Variants in ACTR3C observed in about 807,000 individuals in gnomAD.
ACTR3C encodes actin related protein 3C, also known as actin-related protein 3C.
Under a neutral mutation model 26.3 loss-of-function variants are expected in ACTR3C, and 18 were observed. The ratio of observed to expected loss-of-function variants is 0.68; its 90% confidence interval spans 0.47 to 1.01. The LOEUF (loss-of-function observed/expected upper bound fraction) is 1.01, where lower values mean the gene tolerates loss of function less well. Ranked by LOEUF, ACTR3C falls within the 50% of genes least tolerant of loss-of-function variation. The pLI is 0.00. For synonymous variants in ACTR3C, 55 were observed against 94.5 expected (o/e 0.58, Z 2.42); for missense variants, 184 against 250.7 (o/e 0.73, Z 1.80).
the ACTR3C span, among the ~76,000 whole-genome samples, chr7:150,154,334 G>A: frequency 2.6e-5 from 4 of 151,960 alleles, no homozygotes; most frequent in Non-Finnish European, 4.4e-5. Context: ...ATGTAAAGAC[G>A]TCTCTTTTTT....
chr7:150,125,486 G>A, the ACTR3C span, among the ~76,000 whole-genome samples: 3 of 150,444 alleles, frequency 2.0e-5, no homozygotes, highest in Admixed American at 6.6e-5. Context: ...TGGGTGGGGG[G>A]TCCTGTTTCT....
chr7:150,293,075 T>C (rs1836416339), intron 3 of ACTR3C, among the ~76,000 whole-genome samples: 1 of 151,848 alleles, frequency 6.6e-6, no homozygotes, highest in Non-Finnish European at 1.5e-5. Context: ...CCACCATGAA[T>C]TGAAAATTGC....
chr7:150,079,192 C>T, the ACTR3C span, among the ~76,000 whole-genome samples: 1 of 152,120 alleles, frequency 6.6e-6, no homozygotes, highest in Non-Finnish European at 1.5e-5. Flanking sequence ...CTGTAAAAAG[C>T]ATGGCACAAA....
At chr7:149,886,593 C>T in the ACTR3C span, among the ~76,000 whole-genome samples, 1 of 152,178 alleles carries the variant, frequency 6.6e-6, no homozygotes, top group Non-Finnish European at 1.5e-5. Context: ...GTGGGGCTGG[C>T]ACATGAACAC....
chr7:150,013,878 G>A, the ACTR3C span, among the ~76,000 whole-genome samples: 5 of 152,216 alleles, frequency 3.3e-5, no homozygotes, highest in Non-Finnish European at 7.3e-5. Context: ...GGATGGCAAC[G>A]CTATTCTCCT....
the ACTR3C span, among the ~76,000 whole-genome samples, chr7:150,225,056 C>G: frequency 2.7e-5 from 4 of 150,064 alleles, no homozygotes; most frequent in African/African-American, 9.9e-5. Flanking sequence ...TTTGCCTGCA[C>G]GAGCATGCGA....
chr7:150,035,811 G>A, the ACTR3C span, among the ~76,000 whole-genome samples: 2 of 130,310 alleles, frequency 1.5e-5, 1 homozygote, highest in Non-Finnish European at 3.4e-5. Flanking sequence ...CCAGGGACTG[G>A]CTCTCAGTCC....
chr7:149,911,996 C>T, the ACTR3C span, among the ~76,000 whole-genome samples: 3 of 132,858 alleles, frequency 2.3e-5, no homozygotes, highest in Non-Finnish European at 4.6e-5. Flanking sequence ...GGTGACAGAG[C>T]GAGACCCTGT....
At chr7:149,927,065 C>CTT in the ACTR3C span, among the ~76,000 whole-genome samples, 46 of 149,232 alleles carry the variant, frequency 3.1e-4, no homozygotes, top group African/African-American at 8.1e-4. Context: ...GCCAAATAAA[C>CTT]TTTTTTTTTT....
At chr7:149,958,537 T>C in the ACTR3C span, among the ~76,000 whole-genome samples, 9 of 152,244 alleles carry the variant, frequency 5.9e-5, no homozygotes, top group African/African-American at 1.4e-4. Context: ...CCAGAAAGCA[T>C]CTTCAATGCC....
the ACTR3C span, among the ~76,000 whole-genome samples, chr7:149,934,225 G>A: frequency 1.3e-3 from 193 of 152,190 alleles, no homozygotes; most frequent in African/African-American, 4.3e-3. Context: ...AGTTCCACTC[G>A]ACCCTAGCAA....
the ACTR3C span, among the ~76,000 whole-genome samples, chr7:150,036,556 C>G: frequency 1.4e-5 from 2 of 144,182 alleles, no homozygotes; most frequent in Admixed American, 1.4e-4. Context: ...TCCGGGTCCC[C>G]GACCCCTTTG....
At chr7:150,179,975 A>G in the ACTR3C span, among the ~76,000 whole-genome samples, 3 of 151,084 alleles carry the variant, frequency 2.0e-5, no homozygotes, top group Non-Finnish European at 4.4e-5. Context: ...TTTAATATTT[A>G]TCAAATTACT....
At chr7:150,301,323 G>C (rs1036132492) in intron 1 of ACTR3C, among the ~76,000 whole-genome samples, 13 of 152,192 alleles carry the variant, frequency 8.5e-5, no homozygotes, top group Non-Finnish European at 7.3e-5. Context: ...TTGCCTCCCA[G>C]CAAAGAGATG....
At chr7:150,020,527 A>G in the ACTR3C span, among the ~76,000 whole-genome samples, 11 of 152,154 alleles carry the variant, frequency 7.2e-5, no homozygotes, top group East Asian at 1.9e-3. Context: ...TCCCAGGGAC[A>G]CTTCATTCCC....
At chr7:150,229,526 C>T in the ACTR3C span, among the ~76,000 whole-genome samples, 6 of 151,760 alleles carry the variant, frequency 4.0e-5, no homozygotes, top group African/African-American at 7.3e-5. Flanking sequence ...ACTCTGTCAC[C>T]CAGGCTGGAG....
the ACTR3C span, among the ~76,000 whole-genome samples, chr7:150,035,266 C>G: frequency 4.0e-4 from 30 of 74,578 alleles, 7 homozygotes; most frequent in African/African-American, 9.4e-4. Flanking sequence ...GGGGCTGGCT[C>G]TCAGTCCCTG....
intron 1 of ACTR3C, among the ~76,000 whole-genome samples, chr7:150,309,679 T>TCCTAAGCC (rs1019207961): frequency 4.6e-5 from 7 of 152,162 alleles, no homozygotes; most frequent in African/African-American, 1.7e-4. Flanking sequence ...CCAGGATTCT[T>TCCTAAGCC]CCTAAGCCGT....
At chr7:149,908,108 G>A in the ACTR3C span, among the ~76,000 whole-genome samples, 1 of 151,952 alleles carries the variant, frequency 6.6e-6, no homozygotes, top group Non-Finnish European at 1.5e-5. Context: ...GAGGTCCCCA[G>A]CAACCCCACA....
Sources: allele counts gnomAD v4.1 joint callset (sites outside exome capture counted in the v4.1 genomes callset), GRCh38; gene constraint gnomAD v4.1.1; transcripts MANE v1.5; gene names NCBI Gene and HGNC (gene_info 2026-07-23, HGNC 2026-07-21).